The following POGLUT1 variants were observed in gnomAD, a reference collection of about 807,000 sequenced individuals.
The protein encoded by POGLUT1 is protein O-glucosyltransferase 1.
Under a neutral mutation model 61.3 loss-of-function variants are expected in POGLUT1, and 32 were observed. The ratio of observed to expected loss-of-function variants is 0.52; its 90% CI spans 0.39 to 0.70. POGLUT1 has a LOEUF of 0.70. POGLUT1 is among the 30% of genes least tolerant of loss of function. The probability of loss-of-function intolerance (pLI) is 0.00; values close to 1 mark genes in which losing one functional copy is unlikely to be tolerated. For synonymous variants in POGLUT1, 158 were observed against 158.2 expected, an observed-to-expected ratio of 1.00 and a Z score of 0.01; for missense variants, 411 against 469.8, an observed-to-expected ratio of 0.87 and a Z score of 1.16.
At position 119,493,296 on chromosome 3, in the gene POGLUT1, G is replaced by A. The variant is rs1214181920; in HGVS notation, c.*858G>A. 6.6e-6 allele frequency: 1 copy of A among 152,154 alleles called. No homozygotes were observed. The highest frequency in any genetic ancestry group is 6.6e-5 in the Admixed American group (1 of 15,266). The allele number at this position is 152,154 out of a possible 1,614,324, so 9.4% of individuals were successfully genotyped here. A position where few individuals can be genotyped will look rare whatever the true frequency, so the allele number is the denominator to read the frequency against. On this transcript the variant is annotated 3_prime_UTR_variant, in exon 11 of 11. Transcript: ENST00000295588. Reference sequence around the variant, plus strand: ...CATTCACACTCTCACTGTCTTGCAGGAATCACAAGAAGTCTTCATATGTGA... The same window carrying A: ...CATTCACACTCTCACTGTCTTGCAGAAATCACAAGAAGTCTTCATATGTGA...
At chr3:119,475,263 T>C (rs2081522041) in intron 3 of POGLUT1, among the ~76,000 whole-genome samples, 1 of 152,254 alleles carries the variant, frequency 6.6e-6, no homozygotes, top group African/African-American at 2.4e-5. Flanking sequence ...ACAGTAGATT[T>C]TGAGATTGTT....
chr3:119,469,138 T>C, intron 1 of POGLUT1, 32 bp downstream of exon 1: 1 of 1,525,430 alleles, frequency 6.6e-7, no homozygotes, highest in Non-Finnish European at 8.9e-7. Flanking sequence ...GCCTGCCCCT[T>C]GGGCTCGGGG....
At chr3:119,476,366 TA>T (rs1458175252) in intron 3 of POGLUT1, among the ~76,000 whole-genome samples, 2 of 152,130 alleles carry the variant, frequency 1.3e-5, no homozygotes, top group African/African-American at 4.8e-5. Context: ...TCTTTATTAT[TA>T]ATACAGTTGA....
intron 6 of POGLUT1, among the ~76,000 whole-genome samples, chr3:119,486,326 T>C (rs1413234393): frequency 2.6e-5 from 4 of 152,194 alleles, no homozygotes; most frequent in African/African-American, 9.6e-5. Context: ...GACCCTCTGC[T>C]ACTTGGAACA....
intron 5 of POGLUT1, 80 bp downstream of exon 5, chr3:119,480,252 CT>C (rs139662431): frequency 0.079 from 71,926 of 910,318 alleles, 4 homozygotes; most frequent in South Asian, 0.1. Flanking sequence ...CAATTATTTA[CT>C]TTTTTTTTTT....
intron 10 of POGLUT1, among the ~76,000 whole-genome samples, 200 bp from the exon 11 acceptor site, chr3:119,492,082 A>G (rs933812940): frequency 3.3e-5 from 5 of 152,118 alleles, no homozygotes; most frequent in African/African-American, 1.2e-4. Context: ...ATAAATAAAT[A>G]AAGGAAAAAG....
At chr3:119,488,833 A>G (rs1361764445) in intron 7 of POGLUT1, 96 bp from the exon 8 acceptor site, 8 of 636,914 alleles carry the variant, frequency 1.3e-5, no homozygotes, top group Admixed American at 2.1e-5. Context: ...AGCTTAAATG[A>G]GGTAATGTTG....
chr3:119,471,432 T>A lies in POGLUT1; in HGVS notation c.300T>A (p.Asn100Lys). ...QITKNRLYRENDCMFPSRCSG... is the reference protein window; with the variant it reads ...QITKNRLYREKDCMFPSRCSG... ...CTAAGAACAGACTGTACCGGGAAAA[T>A]GACTGCATGTTCCCCTCAAGGTAAG... The change falls in exon 3 of 11, where the codon AAT (asparagine) becomes AAA (lysine). Residue 100 changes from asparagine (N) to lysine (K), a missense_variant. Asn to Lys is a moderately conservative substitution (Grantham distance 94). Coordinates refer to ENST00000295588, the MANE Select transcript of POGLUT1 (RefSeq NM_152305.3). 1 of 1,614,056 alleles carries A rather than the reference T, an allele frequency of 6.2e-7. No homozygotes were observed. Among genetic ancestry groups the A allele is most frequent in the South Asian group, 1.1e-5 (1 of 91,080 alleles).
intron 4 of POGLUT1, chr3:119,478,437 C>G: frequency 2.2e-6 from 1 of 456,572 alleles, no homozygotes; most frequent in South Asian, 1.5e-5. Flanking sequence ...CATTGTTTGT[C>G]ATGAAACTCA....
In POGLUT1 at chr3:119,491,848, A is replaced by G. The variant is rs186607987; in HGVS notation, c.1022+274A>G. On this transcript the variant is annotated intron_variant, in intron 10 of 10. Coordinates refer to ENST00000295588, the MANE Select transcript of POGLUT1 (RefSeq NM_152305.3). Reference sequence around the variant, plus strand: ...GGTGGGCGGATCACCTGAGGTCAGAAGTTCAAGACCAGCCTAGCCATGGTG... The same window carrying G: ...GGTGGGCGGATCACCTGAGGTCAGAGGTTCAAGACCAGCCTAGCCATGGTG... Among the ~76,000 whole-genome samples, 317 of 152,304 alleles carry G rather than the reference A, an allele frequency of 2.1e-3. 1 individual carries two copies. The highest frequency in any genetic ancestry group is 7.1e-3 in the African/African-American group (294 of 41,556).
At chr3:119,475,379 T>G (rs1054767331) in intron 3 of POGLUT1, among the ~76,000 whole-genome samples, 5 of 152,220 alleles carry the variant, frequency 3.3e-5, no homozygotes, top group Non-Finnish European at 7.3e-5. Context: ...AGATTATCCC[T>G]TACCACATCA....
At position 119,490,683 on chromosome 3, in the gene POGLUT1, C is replaced by T. The variant is rs1290242207; in HGVS notation, c.930C>T (p.His310=). The change falls in exon 9 of 11, where the codon CAC becomes CAT. Residue 310 remains histidine (H), a synonymous_variant. Coordinates refer to ENST00000295588, the MANE Select transcript of POGLUT1 (RefSeq NM_152305.3). The stretch of plus-strand genomic sequence containing the variant: ...ATCCACAGCTGAAGCCATGGGTTCA[C>T]TATATCCCAGTCAAAACAGATCTCT... ...FFYPQLKPWV[H]YIPVKTDLSN... 6.2e-7 allele frequency: 1 copy of T among 1,613,982 alleles called. No homozygotes were observed. The highest frequency in any genetic ancestry group is 1.3e-5 in the African/African-American group (1 of 74,918).
rs772523009 is a variant in POGLUT1 at position 119,491,621 on chromosome 3, C to T, written c.1022+47C>T. 4.2e-6 allele frequency: 4 copies of T among 962,128 alleles called. No homozygotes were observed. In the South Asian group the frequency reaches 4.4e-5, roughly 10 times the overall value. The allele number at this position is 962,128 out of a possible 1,614,324, so 59.6% of individuals were successfully genotyped here. A position where few individuals can be genotyped will look rare whatever the true frequency, so the allele number is the denominator to read the frequency against. On this transcript the variant is annotated intron_variant, in intron 10 of 10. Transcript: ENST00000295588. ...TTTTCCACTTTACTTTTTGTCATCC[C>T]CATTATGCCCTAGCCAAAGTTATCT...
chr3:119,478,229 C>T (rs1451835309), intron 4 of POGLUT1: 3 of 402,840 alleles, frequency 7.4e-6, no homozygotes, highest in Non-Finnish European at 9.9e-6. Context: ...TGAGGAAAAC[C>T]CCATGAAATT....
At chr3:119,469,707 G>A in intron 1 of POGLUT1, 113 bp from the exon 2 acceptor site, 1 of 637,788 alleles carries the variant, frequency 1.6e-6, no homozygotes, top group Non-Finnish European at 2.8e-6. Flanking sequence ...CCATCAGTGG[G>A]ATGGGAAGGG....
chr3:119,480,408 C>A (rs2081592362), intron 5 of POGLUT1, among the ~76,000 whole-genome samples: 1 of 151,854 alleles, frequency 6.6e-6, no homozygotes, highest in Non-Finnish European at 1.5e-5. Flanking sequence ...GCCACCACAC[C>A]CGGCTAATTT....
Position 119,478,206 on chromosome 3 carries a change from G to A in POGLUT1, c.456+758G>A, listed in dbSNP as rs1045515137. Reference sequence around the variant, plus strand: ...AGAGAGTGGATGGAAGATTCTATGGGGTAAGAGTGAATTGAGGAAAACCCC... The same window carrying A: ...AGAGAGTGGATGGAAGATTCTATGGAGTAAGAGTGAATTGAGGAAAACCCC... On this transcript the variant is annotated intron_variant, in intron 4 of 10. Transcript: ENST00000295588. The A allele has an allele frequency of 2.3e-5, 9 of 387,744 alleles. No individual in the cohort carries two copies. The Admixed American group carries it at 2.7e-4, about 12-fold the overall frequency. 24.0% of individuals were successfully genotyped at this position (387,744 alleles called of 1,614,324 possible).
chr3:119,479,882 T>G (rs771009407), intron 4 of POGLUT1, 169 bp from the exon 5 acceptor site: 2 of 1,492,098 alleles, frequency 1.3e-6, no homozygotes, highest in African/African-American at 1.4e-5. Context: ...TAATCCATAG[T>G]CACTTTTGCC....
intron 5 of POGLUT1, among the ~76,000 whole-genome samples, chr3:119,482,218 GT>G (rs2081613205): frequency 6.6e-6 from 1 of 150,884 alleles, no homozygotes; most frequent in Non-Finnish European, 1.5e-5. Context: ...CAGCTGCTTT[GT>G]TTTCAAAATC....
Sources: gnomAD v4.1 joint callset for allele counts (sites outside exome capture counted in the v4.1 genomes callset) on GRCh38, gnomAD v4.1.1 for gene constraint, MANE v1.5 for transcripts, NCBI Gene and HGNC (gene_info 2026-07-23, HGNC 2026-07-21) for gene names.